The following ROBO1 variants were observed in gnomAD, a reference collection of about 807,000 sequenced individuals.
ROBO1 encodes roundabout guidance receptor 1, also known as roundabout homolog 1.
Under a neutral mutation model 195.9 loss-of-function variants are expected in ROBO1, and 149 were observed. The observed-to-expected ratio is 0.76, with a 90% CI of 0.67 to 0.87. The LOEUF is 0.87. Among genes scored for constraint, ROBO1 ranks in the 40% least tolerant of loss-of-function variants. The pLI, the probability that ROBO1 is intolerant of heterozygous loss-of-function variation, is 0.00. For missense variants in ROBO1, 1,933 were observed against 2,068.3 expected (o/e 0.93, Z 1.27); for synonymous variants, 816 against 733.2 (o/e 1.11, Z -1.82).
chr3:78,628,256 G>GA (rs1301244021), intron 25 of ROBO1, among the ~76,000 whole-genome samples: 1 of 152,076 alleles, frequency 6.6e-6, no homozygotes, highest in Non-Finnish European at 1.5e-5. Context: ...GCCCAGCCAA[G>GA]AAAAATTACT....
intron 4 of ROBO1, among the ~76,000 whole-genome samples, chr3:78,886,379 G>A (rs2107320266): frequency 6.6e-6 from 1 of 152,070 alleles, no homozygotes; most frequent in Non-Finnish European, 1.5e-5. Context: ...GGTGGATCCC[G>A]AGGTCAGGAG....
intron 4 of ROBO1, among the ~76,000 whole-genome samples, chr3:78,929,696 G>T (rs983023047): frequency 5.3e-5 from 8 of 151,618 alleles, no homozygotes; most frequent in African/African-American, 1.7e-4. Context: ...TAGAGACAGG[G>T]TTTCACCATG....
intron 4 of ROBO1, among the ~76,000 whole-genome samples, chr3:78,825,521 C>T (rs2031514806): frequency 6.6e-6 from 1 of 152,098 alleles, no homozygotes. Flanking sequence ...AAAGACAGGC[C>T]ATCAGTTCTC....
Position 78,768,810 on chromosome 3 carries a change from T to TC in ROBO1, c.500-21911dup, listed in dbSNP as rs1176015336. On this transcript the variant is annotated intron_variant, in intron 4 of 30. Coordinates refer to ENST00000464233, the MANE Select transcript of ROBO1 (RefSeq NM_002941.4). ...ATCTCCCAATGCTATCCCTCCCCCC[T>TC]CCCCCCACCCCACCACAGTCCCCAG... 1.9e-4 allele frequency among the ~76,000 whole-genome samples: 10 copies of TC among 51,480 alleles called. No individual in the cohort carries two copies. The East Asian group carries it at 6.7e-3, about 34-fold the overall frequency. The allele number at this position is 51,480 out of a possible 152,430, so 33.8% of individuals were successfully genotyped here.
intron 3 of ROBO1, among the ~76,000 whole-genome samples, chr3:78,947,117 G>C (rs1029707918): frequency 6.8e-6 from 1 of 147,486 alleles, no homozygotes; most frequent in African/African-American, 2.7e-5. Flanking sequence ...AGATCAACAA[G>C]ACAGAAAGTT....
chr3:79,488,173 A>G (rs1939261246), intron 2 of ROBO1, among the ~76,000 whole-genome samples: 1 of 152,220 alleles, frequency 6.6e-6, no homozygotes, highest in Non-Finnish European at 1.5e-5. Context: ...CTTATTCTGA[A>G]TCTGAATGAA....
chr3:79,559,036 A>T (rs1036713673), intron 2 of ROBO1, among the ~76,000 whole-genome samples: 2 of 152,202 alleles, frequency 1.3e-5, no homozygotes, highest in Non-Finnish European at 2.9e-5. Context: ...CCGCAACTTA[A>T]CCTAGTAGTA....
At chr3:79,481,333 T>C (rs1353289383) in intron 2 of ROBO1, among the ~76,000 whole-genome samples, 3 of 151,910 alleles carry the variant, frequency 2.0e-5, no homozygotes, top group Non-Finnish European at 2.9e-5. Context: ...TTGTAAACTA[T>C]GTGATTTCTT....
chr3:79,058,635 G>GA (rs2078857732), intron 3 of ROBO1, among the ~76,000 whole-genome samples: 1 of 152,104 alleles, frequency 6.6e-6, no homozygotes, highest in South Asian at 2.1e-4. Context: ...CTGTTAGTGG[G>GA]AAATATCAAA....
chr3:79,242,508 A>G (rs1183478765), intron 2 of ROBO1, among the ~76,000 whole-genome samples: 1 of 152,162 alleles, frequency 6.6e-6, no homozygotes, highest in Non-Finnish European at 1.5e-5. Context: ...AAAAGTTACC[A>G]CTATATGTTG....
chr3:78,605,032 C>T (rs1041022097), intron 29 of ROBO1, among the ~76,000 whole-genome samples: 2 of 152,206 alleles, frequency 1.3e-5, no homozygotes, highest in African/African-American at 4.8e-5. Flanking sequence ...AAAGAGCTTA[C>T]TTGTGCTCAT....
At chr3:79,116,034 G>A (rs2079987403) in intron 3 of ROBO1, among the ~76,000 whole-genome samples, 1 of 152,150 alleles carries the variant, frequency 6.6e-6, no homozygotes, top group Non-Finnish European at 1.5e-5. Context: ...TAAGGAAGTA[G>A]TGTATGTTTT....
At chr3:79,094,344 A>G (rs1175999721) in intron 3 of ROBO1, among the ~76,000 whole-genome samples, 2 of 152,144 alleles carry the variant, frequency 1.3e-5, no homozygotes, top group Non-Finnish European at 2.9e-5. Flanking sequence ...GAGAAGGTCA[A>G]TGGTTCACTA....
At chr3:78,792,040 G>A (rs1421193934) in intron 4 of ROBO1, among the ~76,000 whole-genome samples, 2 of 152,156 alleles carry the variant, frequency 1.3e-5, no homozygotes, top group African/African-American at 2.4e-5. Flanking sequence ...CTGTGCTACA[G>A]GGGACCCTCA....
intron 10 of ROBO1, among the ~76,000 whole-genome samples, chr3:78,675,487 C>A (rs1272611540): frequency 6.6e-6 from 1 of 152,172 alleles, no homozygotes; most frequent in East Asian, 1.9e-4. Context: ...TTCCAATGGG[C>A]TTAAAAAACG....
At chr3:79,038,197 T>G (rs945991539) in intron 3 of ROBO1, among the ~76,000 whole-genome samples, 1 of 152,154 alleles carries the variant, frequency 6.6e-6, no homozygotes, top group Admixed American at 6.5e-5. Context: ...TCTGTTATAG[T>G]GATTTGTGGT....
chr3:79,142,092 A>T (rs1310050014), intron 2 of ROBO1, among the ~76,000 whole-genome samples: 2 of 152,146 alleles, frequency 1.3e-5, no homozygotes, highest in African/African-American at 4.8e-5. Flanking sequence ...ATTAATGGAA[A>T]TTGGCGAAAC....
chr3:79,515,810 T>C (rs1940919770), intron 2 of ROBO1, among the ~76,000 whole-genome samples: 1 of 152,204 alleles, frequency 6.6e-6, no homozygotes, highest in Admixed American at 6.5e-5. Context: ...CATGCAACTT[T>C]CTAGCTAGTT....
intron 2 of ROBO1, among the ~76,000 whole-genome samples, chr3:79,340,070 T>G (rs2109219284): frequency 6.6e-6 from 1 of 152,332 alleles, no homozygotes; most frequent in East Asian, 1.9e-4. Context: ...CTGTTTGCTC[T>G]GCTGGCCTCG....
Sources: gnomAD v4.1 joint callset for allele counts (sites outside exome capture counted in the v4.1 genomes callset) on GRCh38, gnomAD v4.1.1 for gene constraint, MANE v1.5 for transcripts, NCBI Gene and HGNC (gene_info 2026-07-23, HGNC 2026-07-21) for gene names.